TMEM273: variants seen among roughly 807,000 people sequenced by gnomAD.
TMEM273 encodes chromosome 10 open reading frame 128.
In TMEM273, 19 loss-of-function variants were observed where a neutral mutation model predicts 17.9. That is an observed-to-expected ratio of 1.06 (90% CI 0.74 to 1.55). The LOEUF (loss-of-function observed/expected upper bound fraction) is 1.55, where lower values mean the gene tolerates loss of function less well. Among genes scored for constraint, TMEM273 ranks in the 40% most tolerant of loss-of-function variants. TMEM273 has a pLI of 0.00. For synonymous variants in TMEM273, 66 were observed against 62.0 expected, an observed-to-expected ratio of 1.07 and a Z score of -0.31; for missense variants, 194 against 155.6, an observed-to-expected ratio of 1.25 and a Z score of -1.31.
chr10:49,156,181 T>A, intron 6 of TMEM273: 1 of 1,488,582 alleles, frequency 6.7e-7, no homozygotes, highest in East Asian at 2.8e-5. Context: ...AGAGAAGTCA[T>A]TCCTCGAGGT....
chr10:49,167,016 C>G lies in TMEM273; in HGVS notation c.98-7G>C, dbSNP rs377684588. 5 of 1,613,420 alleles carry G rather than the reference C, an allele frequency of 3.1e-6. No individual in the cohort carries two copies. The highest frequency in any genetic ancestry group is 4.2e-6 in the Non-Finnish European group (5 of 1,179,634). On this transcript the variant is annotated splice_polypyrimidine_tract_variant and splice_region_variant and intron_variant, in intron 2 of 6. Coordinates refer to ENST00000374153, the MANE Select transcript of TMEM273 (RefSeq NM_001288740.3). The stretch of plus-strand genomic sequence containing the variant: ...ATGAGGGCGTACTTGAAATCTGAAA[C>G]GCAGGGAGGAATTGAACACCCGGTT...
At chr10:49,165,080 A>G (rs1047885139) in intron 5 of TMEM273, 125 bp downstream of exon 5, 3 of 1,366,210 alleles carry the variant, frequency 2.2e-6, no homozygotes, top group Admixed American at 6.0e-5. Context: ...CATTTTAGAA[A>G]AAAACCCATG....
chr10:49,165,907 C>G, intron 3 of TMEM273, 111 bp from the exon 4 acceptor site: 1 of 1,395,282 alleles, frequency 7.2e-7, no homozygotes, highest in Non-Finnish European at 1.0e-6. Context: ...CGGTTGCCCT[C>G]GAGAGACCCG....
chr10:49,178,351 A>G (rs1590239117), intron 1 of TMEM273: 1 of 455,746 alleles, frequency 2.2e-6, no homozygotes, highest in East Asian at 7.0e-5. Flanking sequence ...TGACTCAAAC[A>G]AGTGCTAATT....
chr10:49,158,187 T>C (rs745507289), intron 6 of TMEM273, among the ~76,000 whole-genome samples: 3 of 152,144 alleles, frequency 2.0e-5, no homozygotes, highest in Non-Finnish European at 2.9e-5. Context: ...TAATTTTTTA[T>C]GAAAAAATTA....
intron 5 of TMEM273, among the ~76,000 whole-genome samples, chr10:49,162,659 C>A (rs1259525679): frequency 1.3e-5 from 2 of 152,194 alleles, no homozygotes; most frequent in African/African-American, 2.4e-5. Flanking sequence ...AGGGGCTGAG[C>A]TGGCCACAGC....
intron 6 of TMEM273, 165 bp from the exon 7 acceptor site, chr10:49,156,074 C>T: frequency 6.5e-7 from 1 of 1,545,014 alleles, no homozygotes; most frequent in Non-Finnish European, 8.7e-7. Context: ...AACTGAAGGC[C>T]AGTGGCTTCT....
At chr10:49,178,136 C>A in intron 1 of TMEM273, 1 of 456,284 alleles carries the variant, frequency 2.2e-6, no homozygotes. Flanking sequence ...GAATAAGGCC[C>A]AATGTCCTCC....
At chr10:49,160,386 A>AAAAC (rs1337763727) in intron 6 of TMEM273, 2 of 152,230 alleles carry the variant, frequency 1.3e-5, no homozygotes, top group African/African-American at 4.8e-5. Context: ...TACTCAGGAG[A>AAAAC]AAACGATCAG....
In TMEM273 at chr10:49,167,931, G is replaced by A. The variant is rs201588668; in HGVS notation, c.75C>T (p.Gly25=). 2.0e-4 allele frequency: 330 copies of A among 1,613,920 alleles called. 1 individual carries two copies. The highest frequency in any genetic ancestry group is 1.6e-4 in the Middle Eastern group (1 of 6,084). The change falls in exon 2 of 7, where the codon GGC becomes GGT. Residue 25 remains glycine (G), a synonymous_variant. Coordinates refer to ENST00000374153, the MANE Select transcript of TMEM273 (RefSeq NM_001288740.3). Reference sequence around the variant, plus strand: ...TACCAATTTCAGCCCCAGGGGTCTTGCCTGTTGCCAGCACTTGAGCTCCTC... The same window carrying A: ...TACCAATTTCAGCCCCAGGGGTCTTACCTGTTGCCAGCACTTGAGCTCCTC... ...DVGGAQVLAT[G]KTPGAEIDFK...
At position 49,170,082 on chromosome 10, in the gene TMEM273, G is replaced by A. The variant is rs1846459047; in HGVS notation, c.44-2120C>T. Among the ~76,000 whole-genome samples the A allele has an allele frequency of 2.0e-5, 3 of 152,180 alleles. 1 individual carries two copies. In the South Asian group the frequency reaches 6.2e-4, roughly 31 times the overall value. On this transcript the variant is annotated intron_variant, in intron 1 of 6. Coordinates refer to ENST00000374153, the MANE Select transcript of TMEM273 (RefSeq NM_001288740.3). ...TTGCTCTCACTTGCAGTGTTGGCAT[G>A]GAAACTTCATGCTAGCCTGAGATGA...
chr10:49,163,889 A>T (rs541138154), intron 5 of TMEM273, among the ~76,000 whole-genome samples: 6 of 152,128 alleles, frequency 3.9e-5, no homozygotes, highest in African/African-American at 1.4e-4. Context: ...CAAGCGCATG[A>T]CTCCATGAGG....
intron 1 of TMEM273, among the ~76,000 whole-genome samples, chr10:49,181,243 A>G (rs538609997): frequency 2.6e-5 from 4 of 152,218 alleles, no homozygotes; most frequent in Non-Finnish European, 5.9e-5. Flanking sequence ...GACACATACC[A>G]AGTTCATGGA....
At position 49,154,859 on chromosome 10, in the gene TMEM273, G is replaced by A. The variant is rs1306375139; in HGVS notation, c.*1033C>T. The A allele has an allele frequency of 6.6e-6, 1 of 152,234 alleles. No homozygotes were observed. Among genetic ancestry groups the A allele is most frequent in the Non-Finnish European group, 1.5e-5 (1 of 68,054 alleles). 9.4% of individuals were successfully genotyped at this position (152,234 alleles called of 1,614,324 possible). A position where few individuals can be genotyped will look rare whatever the true frequency, so the allele number is the denominator to read the frequency against. The stretch of plus-strand genomic sequence containing the variant: ...ACAGCATCGTTATCAAGTTGGGTAA[G>A]AGACGCCCTGGGAGTCCAGGCAAAT... On this transcript the variant is annotated 3_prime_UTR_variant, in exon 7 of 7. Transcript: ENST00000374153.
At chr10:49,168,560 G>A (rs555756711) in intron 1 of TMEM273, among the ~76,000 whole-genome samples, 11 of 152,180 alleles carry the variant, frequency 7.2e-5, no homozygotes, top group Admixed American at 1.3e-4. Context: ...ACATCAATAC[G>A]TCTTCTGGCT....
At chr10:49,183,794 A>G (rs545459083) in intron 1 of TMEM273, among the ~76,000 whole-genome samples, 4 of 152,350 alleles carry the variant, frequency 2.6e-5, no homozygotes, top group Admixed American at 2.0e-4. Flanking sequence ...GCCTTGGCCC[A>G]CGGTCGGCTC....
chr10:49,165,917 G>T, intron 3 of TMEM273, 121 bp from the exon 4 acceptor site: 1 of 1,262,496 alleles, frequency 7.9e-7, no homozygotes, highest in African/African-American at 1.5e-5. Flanking sequence ...CGAGAGACCC[G>T]GGGCCTGGCT....
intron 1 of TMEM273, among the ~76,000 whole-genome samples, chr10:49,186,282 A>G (rs1343659157): frequency 1.3e-5 from 2 of 152,232 alleles, no homozygotes; most frequent in Non-Finnish European, 2.9e-5. Context: ...CTAAAGCATA[A>G]TTAACTTAGT....
Position 49,165,751 on chromosome 10 carries a change from G to A in TMEM273, c.269+15C>T. On this transcript the variant is annotated intron_variant, in intron 4 of 6. Transcript: ENST00000374153. The stretch of plus-strand genomic sequence containing the variant: ...ACACGATACCTCTCCCTGACTGTGT[G>A]GGCAGTGACCTTACCTTGGGGCTCT... 2 of 1,614,104 alleles carry A rather than the reference G, an allele frequency of 1.2e-6. No individual in the cohort carries two copies. The highest frequency in any genetic ancestry group is 1.7e-6 in the Non-Finnish European group (2 of 1,179,952).
Sources: allele counts gnomAD v4.1 joint callset (sites outside exome capture counted in the v4.1 genomes callset), GRCh38; gene constraint gnomAD v4.1.1; transcripts MANE v1.5; gene names NCBI Gene and HGNC (gene_info 2026-07-23, HGNC 2026-07-21).